CLNK: variants seen among roughly 807,000 people sequenced by gnomAD.
The protein encoded by CLNK is cytokine dependent hematopoietic cell linker, also known as cytokine-dependent hematopoietic cell linker.
Under a neutral mutation model 68.6 loss-of-function variants are expected in CLNK, and 74 were observed. That is an observed-to-expected ratio of 1.08 (90% CI 0.89 to 1.31). The LOEUF (loss-of-function observed/expected upper bound fraction) is 1.31. Among genes scored for constraint, CLNK ranks in the 50% most tolerant of loss-of-function variants. The probability of loss-of-function intolerance (pLI) is 0.00; values close to 1 mark genes in which losing one functional copy is unlikely to be tolerated. For missense variants in CLNK, 553 were observed against 515.3 expected (o/e 1.07, Z -0.71); for synonymous variants, 198 against 172.2 (o/e 1.15, Z -1.17).
chr4:10,688,263 G>T (rs1406916136), upstream of CLNK, among the ~76,000 whole-genome samples: 1 of 152,222 alleles, frequency 6.6e-6, no homozygotes, highest in South Asian at 2.1e-4. Context: ...CTAAATCTAT[G>T]TTCAAATGGG....
chr4:10,556,370 T>C lies in CLNK; in HGVS notation c.445+2037A>G, dbSNP rs548312080. On this transcript the variant is annotated intron_variant, in intron 8 of 18. Transcript: ENST00000226951. Reference sequence around the variant, plus strand: ...ACATTTTATCTTTATTTTAATTATGTCATCTATGTAGATTTTCTTCTATTT... The same window carrying C: ...ACATTTTATCTTTATTTTAATTATGCCATCTATGTAGATTTTCTTCTATTT... 5.3e-5 allele frequency among the ~76,000 whole-genome samples: 8 copies of C among 152,364 alleles called. No homozygotes were observed. The South Asian group carries it at 1.4e-3, about 28-fold the overall frequency.
chr4:10,663,886 A>G (rs575130490), intron 2 of CLNK, among the ~76,000 whole-genome samples: 2 of 152,356 alleles, frequency 1.3e-5, no homozygotes, highest in African/African-American at 4.8e-5. Flanking sequence ...TCCCAGAGAC[A>G]TTCCTTGCCT....
intron 1 of CLNK, among the ~76,000 whole-genome samples, chr4:10,676,293 C>A (rs986448252): frequency 2.0e-5 from 3 of 151,892 alleles, no homozygotes; most frequent in Admixed American, 2.0e-4. Flanking sequence ...ATACCCCAGT[C>A]AGATCAATCA....
chr4:10,709,304 G>A, the CLNK span, among the ~76,000 whole-genome samples: 1 of 152,188 alleles, frequency 6.6e-6, no homozygotes, highest in Non-Finnish European at 1.5e-5. Flanking sequence ...CTTTTCAAGT[G>A]TTCAAGGGCC....
chr4:10,725,822 C>T, the CLNK span, among the ~76,000 whole-genome samples: 26 of 151,334 alleles, frequency 1.7e-4, no homozygotes, highest in Admixed American at 1.5e-3. Context: ...CCACTGCACT[C>T]CAGCCTGGGC....
chr4:10,719,872 TGG>T, the CLNK span, among the ~76,000 whole-genome samples: 1 of 152,278 alleles, frequency 6.6e-6, no homozygotes, highest in South Asian at 2.1e-4. Flanking sequence ...AGAGCCAATG[TGG>T]AATCAAACTG....
rs1350495194 is a variant in CLNK at position 10,489,417 on chromosome 4, C to T, written c.*1050G>A. ...TTAGTTTCCCTCAGACATATGCTTGCCTGAAGGCTAGTGTAGGATATAATC... is the reference window on the plus strand; with the variant it reads ...TTAGTTTCCCTCAGACATATGCTTGTCTGAAGGCTAGTGTAGGATATAATC... On this transcript the variant is annotated 3_prime_UTR_variant, in exon 19 of 19. Transcript: ENST00000226951. 1 of 152,044 alleles carries T rather than the reference C, an allele frequency of 6.6e-6. No homozygotes were observed. Among genetic ancestry groups the T allele is most frequent in the Non-Finnish European group, 1.5e-5 (1 of 68,022 alleles). 9.4% of individuals were successfully genotyped at this position (152,044 alleles called of 1,614,324 possible). A position where few individuals can be genotyped will look rare whatever the true frequency, so the allele number is the denominator to read the frequency against.
chr4:10,665,025 C>T (rs774244858), intron 2 of CLNK, among the ~76,000 whole-genome samples: 10 of 152,168 alleles, frequency 6.6e-5, no homozygotes, highest in Non-Finnish European at 1.2e-4. Flanking sequence ...GAAAAGGATG[C>T]TCTGAGCTTT....
At chr4:10,615,050 G>T (rs1560243078) in intron 2 of CLNK, among the ~76,000 whole-genome samples, 1 of 152,078 alleles carries the variant, frequency 6.6e-6, no homozygotes, top group Non-Finnish European at 1.5e-5. Flanking sequence ...GTCACTCATG[G>T]TGGTGCATAC....
At chr4:10,523,619 CA>C (rs869139839) in intron 14 of CLNK, among the ~76,000 whole-genome samples, 2 of 56,186 alleles carry the variant, frequency 3.6e-5, no homozygotes, top group Non-Finnish European at 1.2e-4. Context: ...AACAAATAAA[CA>C]AAAGAAGTGA....
chr4:10,702,639 T>A, the CLNK span, among the ~76,000 whole-genome samples: 2 of 152,184 alleles, frequency 1.3e-5, no homozygotes. Flanking sequence ...GAGGAGGTAG[T>A]CGCGCAGTCC....
chr4:10,699,381 G>A, the CLNK span, among the ~76,000 whole-genome samples: 1 of 94,212 alleles, frequency 1.1e-5, no homozygotes, highest in South Asian at 4.0e-4. Flanking sequence ...CTATTTGTGA[G>A]GATTGGATAT....
intron 5 of CLNK, among the ~76,000 whole-genome samples, chr4:10,569,960 G>T (rs953170372): frequency 6.6e-6 from 1 of 152,254 alleles, no homozygotes; most frequent in Admixed American, 6.5e-5. Flanking sequence ...CATAGGTAGA[G>T]CCCAGTACCC....
chr4:10,518,373 G>A (rs527545839), intron 15 of CLNK, among the ~76,000 whole-genome samples: 15 of 152,070 alleles, frequency 9.9e-5, no homozygotes, highest in African/African-American at 3.6e-4. Context: ...TTAAAATAAA[G>A]CATTTTATTT....
At chr4:10,575,507 C>G (rs949412418) in intron 4 of CLNK, among the ~76,000 whole-genome samples, 1 of 152,266 alleles carries the variant, frequency 6.6e-6, no homozygotes, top group Non-Finnish European at 1.5e-5. Context: ...CTCCTGGCAC[C>G]TGGTATGGCA....
intron 2 of CLNK, among the ~76,000 whole-genome samples, chr4:10,663,649 C>T (rs4458449): frequency 0.8 from 122,165 of 152,144 alleles, 49,191 homozygotes; most frequent in Non-Finnish European, 0.83. Context: ...TGTACATATA[C>T]AATATATATT....
At chr4:10,571,641 C>T (rs963124070) in intron 5 of CLNK, 100 bp downstream of exon 5, 7 of 972,250 alleles carry the variant, frequency 7.2e-6, no homozygotes, top group Admixed American at 2.0e-5. Context: ...CAGCCTGTTA[C>T]TGTTGATTTT....
chr4:10,617,161 T>A (rs1722268232), intron 2 of CLNK, among the ~76,000 whole-genome samples: 1 of 152,090 alleles, frequency 6.6e-6, no homozygotes, highest in Non-Finnish European at 1.5e-5. Context: ...CCCATAGAAC[T>A]TCCTCACCTC....
intron 14 of CLNK, among the ~76,000 whole-genome samples, chr4:10,523,147 A>G (rs1164912178): frequency 1.3e-5 from 2 of 152,204 alleles, no homozygotes; most frequent in Non-Finnish European, 2.9e-5. Context: ...TAGAGATATA[A>G]TTTTGGGAAC....
Sources: gnomAD v4.1 joint callset for allele counts (sites outside exome capture counted in the v4.1 genomes callset) on GRCh38, gnomAD v4.1.1 for gene constraint, MANE v1.5 for transcripts, NCBI Gene and HGNC (gene_info 2026-07-23, HGNC 2026-07-21) for gene names.